NPFFR2: variants seen among roughly 807,000 people sequenced by gnomAD.
NPFFR2 encodes the protein neuropeptide FF receptor 2, also known as G-protein coupled receptor 74.
A neutral mutation model predicts 13.1 loss-of-function variants in NPFFR2; 15 were observed. That is an observed-to-expected ratio of 1.15 (90% CI 0.77 to 1.76). NPFFR2 has a LOEUF of 1.76. Ranked by LOEUF, NPFFR2 falls within the 40% of genes most tolerant of loss-of-function variation. NPFFR2 has a pLI of 0.00. For synonymous variants in NPFFR2, 190 were observed against 175.7 expected (o/e 1.08, Z -0.65); for missense variants, 572 against 503.5 (o/e 1.14, Z -1.30).
Position 72,147,050 on chromosome 4 carries a change from C to G in NPFFR2, c.501C>G (p.Ile167Met). The change falls in exon 4 of 4, where the codon ATC becomes ATG. Residue 167 changes from isoleucine (I) to methionine (M), a missense_variant. By Grantham distance (10) the Ile-to-Met change is conservative. Coordinates refer to ENST00000308744, the MANE Select transcript of NPFFR2 (RefSeq NM_004885.3). ...IKTAFVIIMI[I>M]WVLAITIMSP... ...CAGCGTTTGTCATTATTATGATCAT[C>G]TGGGTCCTAGCCATCACCATTATGT... 2 of 1,614,138 alleles carry G rather than the reference C, an allele frequency of 1.2e-6. No homozygotes were observed. Among genetic ancestry groups the G allele is most frequent in the Non-Finnish European group, 1.7e-6 (2 of 1,180,020 alleles).
chr4:72,107,457 G>C (rs2109815921), intron 1 of NPFFR2, among the ~76,000 whole-genome samples: 1 of 151,694 alleles, frequency 6.6e-6, no homozygotes. Flanking sequence ...TCCAGTATTA[G>C]TTATGGGGCC....
rs1722849772 is a variant in NPFFR2 at position 72,148,173 on chromosome 4, C to T, written c.*361C>T. On this transcript the variant is annotated 3_prime_UTR_variant, in exon 4 of 4. Coordinates refer to ENST00000308744, the MANE Select transcript of NPFFR2 (RefSeq NM_004885.3). ...CCCCAAATGGTGATGATGAGCAGTG[C>T]TTTGCATGAAACTAGATTTTATCAA... 1.2e-5 allele frequency: 2 copies of T among 172,982 alleles called. No individual in the cohort carries two copies. The highest frequency in any genetic ancestry group is 6.2e-5 in the Admixed American group (1 of 16,136). 10.7% of individuals were successfully genotyped at this position (172,982 alleles called of 1,614,324 possible). A position where few individuals can be genotyped will look rare whatever the true frequency, so the allele number is the denominator to read the frequency against.
intron 2 of NPFFR2, among the ~76,000 whole-genome samples, chr4:72,137,706 A>G (rs1722460000): frequency 6.6e-6 from 1 of 152,184 alleles, no homozygotes; most frequent in South Asian, 2.1e-4. Flanking sequence ...GTGGCAAAGT[A>G]TGTAATATTT....
chr4:72,137,253 T>A (rs964417576), intron 2 of NPFFR2, among the ~76,000 whole-genome samples: 6 of 150,766 alleles, frequency 4.0e-5, no homozygotes, highest in Non-Finnish European at 6.0e-5. Flanking sequence ...ATTAAAAAAA[T>A]AAATTTCAAA....
chr4:72,074,525 T>G (rs1045137500), intron 1 of NPFFR2, among the ~76,000 whole-genome samples: 1 of 152,130 alleles, frequency 6.6e-6, no homozygotes, highest in Non-Finnish European at 1.5e-5. Context: ...TAGGTGGTTA[T>G]GTGTAGGAAA....
chr4:72,124,383 A>G (rs556679349), intron 1 of NPFFR2, among the ~76,000 whole-genome samples: 1 of 152,164 alleles, frequency 6.6e-6, no homozygotes, highest in South Asian at 2.1e-4. Context: ...TCTTCACAGA[A>G]TTAGAAAAAC....
chr4:72,092,942 C>A (rs1029215808), intron 1 of NPFFR2, among the ~76,000 whole-genome samples: 8 of 152,126 alleles, frequency 5.3e-5, no homozygotes, highest in African/African-American at 1.4e-4. Context: ...GAGTTTTATG[C>A]TTCAAGGAGG....
At chr4:72,096,480 T>C (rs1006817461) in intron 1 of NPFFR2, among the ~76,000 whole-genome samples, 3 of 152,172 alleles carry the variant, frequency 2.0e-5, no homozygotes, top group African/African-American at 7.2e-5. Context: ...AACATAAAAT[T>C]ACATTTTTAA....
At chr4:72,107,200 A>C (rs954320500) in intron 1 of NPFFR2, among the ~76,000 whole-genome samples, 3 of 151,712 alleles carry the variant, frequency 2.0e-5, no homozygotes, top group African/African-American at 7.3e-5. Context: ...TCACAAAGGG[A>C]GTTATATTTA....
chr4:72,040,927 A>AATGTAT (rs1553887466), intron 1 of NPFFR2, among the ~76,000 whole-genome samples: 1 of 146,768 alleles, frequency 6.8e-6, no homozygotes, highest in African/African-American at 2.5e-5. Context: ...ACTGCTGTAA[A>AATGTAT]ATATATATAT....
chr4:72,052,105 A>G (rs1719603824), intron 1 of NPFFR2, among the ~76,000 whole-genome samples: 1 of 40,594 alleles, frequency 2.5e-5, no homozygotes, highest in Non-Finnish European at 1.1e-4. Context: ...AAACTATTCC[A>G]ATCAATAGAA....
At chr4:72,051,399 G>A (rs1177754164) in intron 1 of NPFFR2, among the ~76,000 whole-genome samples, 5 of 152,074 alleles carry the variant, frequency 3.3e-5, no homozygotes, top group African/African-American at 1.2e-4. Flanking sequence ...TGACTACTGG[G>A]TACATAACGA....
chr4:72,109,723 T>TG lies in NPFFR2; in HGVS notation c.-7-18862_-7-18861insG, dbSNP rs1297735256. ...AATTTGTTGTTGTTGTTGTTGTTGT[T>TG]TTTTAATGAATGCCCATTCCCTTGA... On this transcript the variant is annotated intron_variant, in intron 1 of 3. Coordinates refer to ENST00000308744, the MANE Select transcript of NPFFR2 (RefSeq NM_004885.3). Among the ~76,000 whole-genome samples the TG allele has an allele frequency of 4.6e-3, 693 of 152,130 alleles. 3 individuals are homozygous for TG. Among genetic ancestry groups the TG allele is most frequent in the African/African-American group, 0.016 (664 of 41,530 alleles).
intron 1 of NPFFR2, among the ~76,000 whole-genome samples, chr4:72,061,313 TA>T (rs1719912292): frequency 6.6e-6 from 1 of 152,180 alleles, no homozygotes; most frequent in Non-Finnish European, 1.5e-5. Context: ...CTGTTGCACC[TA>T]ACCCAGAACT....
At chr4:72,037,396 C>A (rs1165093599) in intron 1 of NPFFR2, among the ~76,000 whole-genome samples, 1 of 71,746 alleles carries the variant, frequency 1.4e-5, no homozygotes, top group Non-Finnish European at 3.0e-5. Context: ...AGAGCAAGAT[C>A]TTGTTTGAAA....
rs145734117 is a variant in NPFFR2, at chr4:72,042,940, C to T, written c.-8+10740C>T. Among the ~76,000 whole-genome samples the T allele has an allele frequency of 5.1e-3, 774 of 152,320 alleles. 3 individuals carry two copies. Among genetic ancestry groups the T allele is most frequent in the African/African-American group, 0.018 (740 of 41,596 alleles). ...TGAGAAAAATGTCTCCAGGGCACAT[C>T]AGAGACCTTCATGGCAGCCCTCCCA... is the stretch of plus-strand genomic sequence containing the variant. On this transcript the variant is annotated intron_variant, in intron 1 of 3. Transcript: ENST00000308744.
In NPFFR2 at chr4:72,044,557, G is replaced by A. The variant is rs140883527; in HGVS notation, c.-8+12357G>A. 4.9e-3 allele frequency among the ~76,000 whole-genome samples: 742 copies of A among 152,184 alleles called. 3 individuals are homozygous for A. The highest frequency in any genetic ancestry group is 0.017 in the African/African-American group (709 of 41,528). ...TTTATCCACATTCTCACCAGTGTCAGTTATTTTTTGTCTTTTTAATAGTAG... is the reference window on the plus strand; with the variant it reads ...TTTATCCACATTCTCACCAGTGTCAATTATTTTTTGTCTTTTTAATAGTAG... On this transcript the variant is annotated intron_variant, in intron 1 of 3. Coordinates refer to ENST00000308744, the MANE Select transcript of NPFFR2 (RefSeq NM_004885.3).
At chr4:72,131,025 A>C (rs1722222488) in intron 2 of NPFFR2, among the ~76,000 whole-genome samples, 1 of 151,978 alleles carries the variant, frequency 6.6e-6, no homozygotes, top group African/African-American at 2.4e-5. Context: ...ACTCCTCTCC[A>C]ACCATAGTCT....
intron 1 of NPFFR2, among the ~76,000 whole-genome samples, chr4:72,074,658 A>G (rs1166690462): frequency 6.6e-6 from 1 of 152,150 alleles, no homozygotes; most frequent in African/African-American, 2.4e-5. Flanking sequence ...AATGACAGAA[A>G]TAAGACCCTA....
Sources: gnomAD v4.1 joint callset for allele counts (sites outside exome capture counted in the v4.1 genomes callset) on GRCh38, gnomAD v4.1.1 for gene constraint, MANE v1.5 for transcripts, NCBI Gene and HGNC (gene_info 2026-07-23, HGNC 2026-07-21) for gene names.